SLC24A2: variants seen among roughly 807,000 people sequenced by gnomAD.
The protein encoded by SLC24A2 is sodium/potassium/calcium exchanger 2.
Under a neutral mutation model 62.0 loss-of-function variants are expected in SLC24A2, and 36 were observed. That is an observed-to-expected ratio of 0.58 (90% confidence interval 0.44 to 0.77). The LOEUF (loss-of-function observed/expected upper bound fraction) is 0.77, where lower values mean the gene tolerates loss of function less well. SLC24A2 is among the 30% of genes least tolerant of loss of function. SLC24A2 has a pLI of 0.00. For missense variants in SLC24A2, 846 were observed against 817.9 expected, an observed-to-expected ratio of 1.03 and a Z score of -0.42; for synonymous variants, 358 against 294.0, an observed-to-expected ratio of 1.22 and a Z score of -2.23.
chr9:20,003,198 A>G, the SLC24A2 span, among the ~76,000 whole-genome samples: 4 of 152,248 alleles, frequency 2.6e-5, no homozygotes, highest in Non-Finnish European at 4.4e-5. Context: ...GCAACTAACC[A>G]AACACTTGAA....
chr9:20,120,800 T>C, the SLC24A2 span, among the ~76,000 whole-genome samples: 666 of 152,236 alleles, frequency 4.4e-3, 3 homozygotes, highest in African/African-American at 0.015. Flanking sequence ...CTTTCAGATT[T>C]ATTTCAAATT....
chr9:19,525,386 CTTTACTTTTTTTTTTTTTTTTTTT>C (rs1417389494), intron 9 of SLC24A2, among the ~76,000 whole-genome samples: 1 of 47,200 alleles, frequency 2.1e-5, no homozygotes, highest in East Asian at 8.3e-4. Flanking sequence ...TTTCCTATTT[CTTTACTTTTTTTTTTTTTTTTTTT>C]TTTTTTTTTA....
the SLC24A2 span, among the ~76,000 whole-genome samples, chr9:20,210,376 G>A: frequency 1.3e-5 from 2 of 152,170 alleles, no homozygotes; most frequent in Non-Finnish European, 2.9e-5. Context: ...AAATGTGTCA[G>A]GTGGTAGAAA....
At chr9:19,661,078 A>G (rs1275958819) in intron 2 of SLC24A2, among the ~76,000 whole-genome samples, 1 of 152,146 alleles carries the variant, frequency 6.6e-6, no homozygotes, top group Non-Finnish European at 1.5e-5. Flanking sequence ...GGCCTTGCAT[A>G]TAGGATTTAT....
chr9:19,882,008 C>A, the SLC24A2 span, among the ~76,000 whole-genome samples: 1 of 152,158 alleles, frequency 6.6e-6, no homozygotes, highest in Non-Finnish European at 1.5e-5. Flanking sequence ...ATTCATTTAA[C>A]TATTCTTTTG....
chr9:19,903,518 G>A, the SLC24A2 span, among the ~76,000 whole-genome samples: 1 of 152,194 alleles, frequency 6.6e-6, no homozygotes, highest in African/African-American at 2.4e-5. Context: ...ATAGTAGGGA[G>A]GCATAACTCA....
At chr9:19,788,124 A>T (rs1360600200) in intron 1 of SLC24A2, among the ~76,000 whole-genome samples, 1 of 152,228 alleles carries the variant, frequency 6.6e-6, no homozygotes, top group Admixed American at 6.5e-5. Context: ...AACACACGCC[A>T]CTTAAATACT....
At chr9:20,218,490 A>G in the SLC24A2 span, among the ~76,000 whole-genome samples, 90 of 152,266 alleles carry the variant, frequency 5.9e-4, no homozygotes, top group Non-Finnish European at 1.1e-3. Context: ...TGGGAGCACT[A>G]AAACCCACCC....
chr9:19,612,677 A>G (rs1025702547), intron 4 of SLC24A2, among the ~76,000 whole-genome samples: 3 of 152,140 alleles, frequency 2.0e-5, no homozygotes, highest in Middle Eastern at 3.2e-3. Flanking sequence ...GCTGTACTAG[A>G]CTACCTCTCT....
the SLC24A2 span, among the ~76,000 whole-genome samples, chr9:19,990,743 C>G: frequency 0.013 from 2,018 of 150,262 alleles, 37 homozygotes; most frequent in African/African-American, 0.042. Flanking sequence ...AAATCTTATG[C>G]TGGCCCTCTC....
At chr9:20,078,369 A>G in the SLC24A2 span, among the ~76,000 whole-genome samples, 7,458 of 143,956 alleles carry the variant, frequency 0.052, 623 homozygotes, top group African/African-American at 0.18. Context: ...CTAGAATGGC[A>G]GCATCAGCTG....
chr9:19,808,152 C>T, the SLC24A2 span, among the ~76,000 whole-genome samples: 3 of 152,134 alleles, frequency 2.0e-5, no homozygotes, highest in African/African-American at 7.2e-5. The surrounding 1 kb of genome is among the most constrained non-coding windows in gnomAD (Gnocchi z 4.1). Context: ...AAGAAATAGC[C>T]ACTGTTCCTT....
At chr9:19,608,234 C>T (rs1837045859) in intron 4 of SLC24A2, among the ~76,000 whole-genome samples, 1 of 151,992 alleles carries the variant, frequency 6.6e-6, no homozygotes, top group African/African-American at 2.4e-5. Context: ...TGAGAGACAC[C>T]TTCTCCACTT....
rs1307603151 is a variant in SLC24A2 at position 19,513,151 on chromosome 9, A to AAG, written c.*3000_*3001dup. The AAG allele has an allele frequency of 2.5e-4, 16 of 64,060 alleles. No individual in the cohort carries two copies. Among genetic ancestry groups the AAG allele is most frequent in the African/African-American group, 1.5e-3 (15 of 10,222 alleles). The allele number at this position is 64,060 out of a possible 1,614,324, so 4.0% of individuals were successfully genotyped here. On this transcript the variant is annotated 3_prime_UTR_variant, in exon 11 of 11. Transcript: ENST00000341998. ...TATGTGTACATATAGATCTGGTATAAAGATATATATATATATATATATATG... is the reference window on the plus strand; with the variant it reads ...TATGTGTACATATAGATCTGGTATAAAGAGATATATATATATATATATATATG...
chr9:19,551,993 C>T (rs761076452), intron 7 of SLC24A2, among the ~76,000 whole-genome samples: 14 of 152,260 alleles, frequency 9.2e-5, no homozygotes, highest in Admixed American at 4.6e-4. Flanking sequence ...AATTTGTAAA[C>T]AGCAAATATG....
intron 7 of SLC24A2, among the ~76,000 whole-genome samples, chr9:19,567,934 A>T (rs1835724018): frequency 6.6e-6 from 1 of 152,222 alleles, no homozygotes; most frequent in Non-Finnish European, 1.5e-5. Context: ...ACTGTATGGC[A>T]GAAACCTCTC....
chr9:19,791,609 T>C (rs1000365874), upstream of SLC24A2, among the ~76,000 whole-genome samples: 5 of 152,190 alleles, frequency 3.3e-5, no homozygotes, highest in African/African-American at 7.2e-5. Flanking sequence ...ATCCTGGTAG[T>C]AATGGAGAAA....
At chr9:20,076,894 G>GTA in the SLC24A2 span, among the ~76,000 whole-genome samples, 165 of 128,806 alleles carry the variant, frequency 1.3e-3, 1 homozygote, top group East Asian at 0.02. Flanking sequence ...TATCATATGT[G>GTA]TATATATATA....
At chr9:19,966,190 T>C in the SLC24A2 span, among the ~76,000 whole-genome samples, 16 of 152,288 alleles carry the variant, frequency 1.1e-4, no homozygotes, top group East Asian at 2.7e-3. Context: ...AATGTTCCAG[T>C]TCCAAATAAA....
Sources: allele counts gnomAD v4.1 joint callset (sites outside exome capture counted in the v4.1 genomes callset), GRCh38; gene constraint gnomAD v4.1.1; non-coding constraint Gnocchi (gnomAD v3.1); transcripts MANE v1.5; gene names NCBI Gene and HGNC (gene_info 2026-07-23, HGNC 2026-07-21).